Variants in POLA2 observed in about 807,000 individuals in gnomAD.
POLA2 encodes the protein DNA polymerase alpha 2, accessory subunit.
Under a neutral mutation model 82.8 loss-of-function variants are expected in POLA2, and 47 were observed. The ratio of observed to expected loss-of-function variants is 0.57; its 90% CI spans 0.45 to 0.72. The LOEUF (loss-of-function observed/expected upper bound fraction) is 0.72, where lower values mean the gene tolerates loss of function less well. POLA2 is among the 30% of genes least tolerant of loss of function. POLA2 has a pLI of 0.00. For missense variants in POLA2, 634 were observed against 728.1 expected (o/e 0.87, Z 1.49); for synonymous variants, 287 against 286.8 (o/e 1.00, Z -0.01).
At chr11:65,267,662 A>G (rs1949476058) in intron 3 of POLA2, 94 bp downstream of exon 3, 1 of 808,762 alleles carries the variant, frequency 1.2e-6, no homozygotes, top group African/African-American at 1.8e-5. Flanking sequence ...ACAAATAATA[A>G]GGCCGGGCAC....
At chr11:65,266,219 C>T (rs1354085854) in intron 1 of POLA2, among the ~76,000 whole-genome samples, 1 of 152,184 alleles carries the variant, frequency 6.6e-6, no homozygotes, top group Non-Finnish European at 1.5e-5. Flanking sequence ...TCATACCTTA[C>T]ATTCAGTTAG....
Position 65,281,119 on chromosome 11 carries a change from T to C in POLA2, c.872T>C (p.Leu291Pro). The change falls in exon 8 of 18, where the codon CTT (leucine) becomes CCT (proline). Residue 291 changes from leucine (L) to proline (P), a missense_variant. Leu to Pro is a moderately conservative substitution (Grantham distance 98). Transcript: ENST00000265465. The part of the protein sequence containing the change: ...GAQIPVDLSE[L>P]KEYSLFPGQV... ...CAAATTCCAGTGGATTTATCTGAGC[T>C]TAAGGAATATTCTCTGTTTCCTGGA... is the stretch of plus-strand genomic sequence containing the variant. 6.2e-7 allele frequency: 1 copy of C among 1,614,168 alleles called. No homozygotes were observed. Among genetic ancestry groups the C allele is most frequent in the Non-Finnish European group, 8.5e-7 (1 of 1,180,020 alleles).
chr11:65,294,479 C>A, intron 14 of POLA2, 67 bp from the exon 15 acceptor site: 1 of 1,397,566 alleles, frequency 7.2e-7, no homozygotes. Flanking sequence ...AGACAACCCC[C>A]ACTTTCATGG....
At position 65,287,237 on chromosome 11, in the gene POLA2, G is replaced by C. The variant is rs1949706186; in HGVS notation, c.1007-479G>C. ...GTGGCCCCTGCACCCCATCACCCTG[G>C]AGTCTCCCGTTCCAGTCTCCCATTC... On this transcript the variant is annotated intron_variant, in intron 10 of 17. Transcript: ENST00000265465. 6.6e-5 allele frequency among the ~76,000 whole-genome samples: 10 copies of C among 152,130 alleles called. 1 individual carries two copies. The South Asian group carries it at 1.9e-3, about 28-fold the overall frequency.
chr11:65,294,661 T>C lies in POLA2; in HGVS notation c.1460+9T>C, dbSNP rs1189762619. On this transcript the variant is annotated intron_variant, in intron 15 of 17. Transcript: ENST00000265465. ...GCCGAGGAGATCAGTAGGTAAGAAG[T>C]GTGTTCCAGGCCCCAAGCAGGATGA... 6.3e-7 allele frequency: 1 copy of C among 1,584,942 alleles called. No homozygotes were observed. The highest frequency in any genetic ancestry group is 2.2e-5 in the East Asian group (1 of 44,676).
rs751183600 is a variant in POLA2 at position 65,275,893 on chromosome 11, G to A, written c.356G>A (p.Gly119Asp). 3 of 1,592,174 alleles carry A rather than the reference G, an allele frequency of 1.9e-6. No homozygotes were observed. Among genetic ancestry groups the A allele is most frequent in the East Asian group, 2.3e-5 (1 of 44,344 alleles). Residue 119 changes from glycine (G) to aspartate (D), a missense_variant and splice_region_variant, in exon 5 of 18, where the codon GGT becomes GAT. Transcript: ENST00000265465. ...LLNSYTTPSK[G>D]SQKRAISTPE... ...TTTGTTTTCCTTTTTTTTCCCTAGG[G>A]TTCTCAGAAGCGAGCTATCTCTACC...
intron 1 of POLA2, among the ~76,000 whole-genome samples, chr11:65,263,228 T>C: frequency 6.7e-6 from 1 of 149,200 alleles, no homozygotes; most frequent in Non-Finnish European, 1.5e-5. Flanking sequence ...CTCTTTTTTT[T>C]TTTTTTTTTT....
At position 65,281,722 on chromosome 11, in the gene POLA2, A is replaced by C. The variant is rs755216236; in HGVS notation, c.953A>C (p.Lys318Thr). Residue 318 changes from lysine to threonine, a missense_variant, in exon 9 of 18, where the codon AAA becomes ACA. Physicochemically the swap from Lys to Thr is moderately conservative, Grantham distance 78 (BLOSUM62 -1). Coordinates refer to ENST00000265465, the MANE Select transcript of POLA2 (RefSeq NM_002689.4). ...ACTGGTAGGAAACTTGTTGCCACCA[A>C]ACTCTACGAGGTACACAGCAGTACC... is the stretch of plus-strand genomic sequence containing the variant. ...NTTGRKLVAT[K>T]LYEGVPLPFY... is the part of the protein sequence containing the mutation. 6.2e-7 allele frequency: 1 copy of C among 1,613,702 alleles called. No individual in the cohort carries two copies. The highest frequency in any genetic ancestry group is 8.5e-7 in the Non-Finnish European group (1 of 1,179,562).
At chr11:65,283,650 A>G (rs1949664444) in intron 10 of POLA2, among the ~76,000 whole-genome samples, 1 of 151,828 alleles carries the variant, frequency 6.6e-6, no homozygotes, top group South Asian at 2.1e-4. Context: ...TATTTTTACA[A>G]AACCCCATAG....
intron 13 of POLA2, among the ~76,000 whole-genome samples, chr11:65,290,413 G>A (rs542007055): frequency 2.6e-5 from 4 of 152,060 alleles, no homozygotes; most frequent in Non-Finnish European, 5.9e-5. Context: ...GCACATGCCT[G>A]TAATCCCAAC....
chr11:65,293,871 T>C (rs1220891865), intron 13 of POLA2, among the ~76,000 whole-genome samples: 1 of 152,136 alleles, frequency 6.6e-6, no homozygotes, highest in Non-Finnish European at 1.5e-5. Flanking sequence ...TGCCAAAAAA[T>C]AGTCTCCATC....
intron 14 of POLA2, 30 bp downstream of exon 14, chr11:65,294,291 C>A: frequency 6.4e-7 from 1 of 1,552,550 alleles, no homozygotes; most frequent in Non-Finnish European, 8.9e-7. Context: ...GACCAGCAGG[C>A]AGCCAGAATC....
At chr11:65,265,237 A>AAGG (rs1407341529) in intron 1 of POLA2, among the ~76,000 whole-genome samples, 3 of 133,730 alleles carry the variant, frequency 2.2e-5, no homozygotes, top group African/African-American at 8.3e-5. Flanking sequence ...CCAAAAAAAA[A>AAGG]AGGGGGGGGG....
At chr11:65,299,251 C>T (rs1381662698), downstream of POLA2, among the ~76,000 whole-genome samples, 2 of 152,208 alleles carry the variant, frequency 1.3e-5, no homozygotes, top group Non-Finnish European at 2.9e-5. Context: ...GGTCATGGCC[C>T]CTGCCCTTGA....
chr11:65,268,745 T>C lies in POLA2; in HGVS notation c.354+16T>C, dbSNP rs1192930896. 6.6e-7 allele frequency: 1 copy of C among 1,503,892 alleles called. No individual in the cohort carries two copies. Among genetic ancestry groups the C allele is most frequent in the Non-Finnish European group, 9.0e-7 (1 of 1,108,434 alleles). 93.2% of individuals were successfully genotyped at this position (1,503,892 alleles called of 1,614,324 possible). On this transcript the variant is annotated intron_variant, in intron 4 of 17. Coordinates refer to ENST00000265465, the MANE Select transcript of POLA2 (RefSeq NM_002689.4). ...ACCTTCAAAGGTAAGTAAACAGTGT[T>C]TGGACATTGCATTTTACAAGTAACA... is the stretch of plus-strand genomic sequence containing the variant.
chr11:65,283,882 A>G (rs1262375987), intron 10 of POLA2, among the ~76,000 whole-genome samples: 3 of 151,904 alleles, frequency 2.0e-5, no homozygotes, highest in Non-Finnish European at 4.4e-5. Flanking sequence ...ACATAATTTC[A>G]GCACTTCACA....
At chr11:65,301,778 C>T (rs1472246232), downstream of POLA2, among the ~76,000 whole-genome samples, 3 of 152,186 alleles carry the variant, frequency 2.0e-5, no homozygotes, top group African/African-American at 7.2e-5. Flanking sequence ...AGAAGACACC[C>T]ATGGTTGTTC....
At position 65,280,844 on chromosome 11, in the gene POLA2, G is replaced by A. The variant is rs530017301; in HGVS notation, c.745-148G>A. 219 of 686,936 alleles carry A rather than the reference G, an allele frequency of 3.2e-4. 1 individual carries two copies. The highest frequency in any genetic ancestry group is 1.2e-3 in the South Asian group (63 of 54,612). The allele number at this position is 686,936 out of a possible 1,614,324, so 42.6% of individuals were successfully genotyped here. A position where few individuals can be genotyped will look rare whatever the true frequency, so the allele number is the denominator to read the frequency against. ...TTCCATCCTGAGAGTCAGTGATGAC[G>A]CGGTAGTCACCTCAGGGTCAAAGCA... On this transcript the variant is annotated intron_variant, in intron 7 of 17. Transcript: ENST00000265465.
At chr11:65,273,962 C>G (rs1235882722) in intron 4 of POLA2, among the ~76,000 whole-genome samples, 2 of 152,088 alleles carry the variant, frequency 1.3e-5, no homozygotes, top group South Asian at 2.1e-4. Context: ...CACTTTTCAC[C>G]TGAGACTCAG....
Sources: allele counts gnomAD v4.1 joint callset (sites outside exome capture counted in the v4.1 genomes callset), GRCh38; gene constraint gnomAD v4.1.1; transcripts MANE v1.5; gene names NCBI Gene and HGNC (gene_info 2026-07-23, HGNC 2026-07-21).